The following PRIM2 variants were observed in gnomAD, a reference collection of about 807,000 sequenced individuals.
PRIM2 encodes the protein DNA primase large subunit.
Under a neutral mutation model 67.3 loss-of-function variants are expected in PRIM2, and 39 were observed. That is an observed-to-expected ratio of 0.58 (90% CI 0.45 to 0.76). The LOEUF (loss-of-function observed/expected upper bound fraction) is 0.76. Ranked by LOEUF, PRIM2 falls within the 30% of genes least tolerant of loss-of-function variation. PRIM2 has a pLI of 0.00. For synonymous variants in PRIM2, 143 were observed against 198.7 expected (o/e 0.72, Z 2.36); for missense variants, 398 against 598.7 (o/e 0.66, Z 3.50).
intron 5 of PRIM2, among the ~76,000 whole-genome samples, chr6:57,339,412 A>G (rs1324178620): frequency 6.6e-6 from 1 of 152,118 alleles, no homozygotes; most frequent in Non-Finnish European, 1.5e-5. Context: ...ATCCTAAGCC[A>G]AAAGAACAAA....
chr6:57,288,507 C>G, the PRIM2 span, among the ~76,000 whole-genome samples: 1 of 152,184 alleles, frequency 6.6e-6, no homozygotes, highest in Non-Finnish European at 1.5e-5. Flanking sequence ...GGGTCCCTGA[C>G]CCCCGTGTAG....
chr6:57,469,756 T>A, intron 7 of PRIM2, among the ~76,000 whole-genome samples: 1 of 152,278 alleles, frequency 6.6e-6, no homozygotes, highest in East Asian at 1.9e-4. Context: ...TTTAAAACAG[T>A]ATTATTTGCA....
intron 12 of PRIM2, among the ~76,000 whole-genome samples, chr6:57,620,029 T>C (rs1776823595): frequency 6.6e-6 from 1 of 152,062 alleles, no homozygotes; most frequent in African/African-American, 2.4e-5. Flanking sequence ...ACCCCATCTC[T>C]ACTAAAAATG....
chr6:57,238,354 AC>A, the PRIM2 span, among the ~76,000 whole-genome samples: 1 of 152,188 alleles, frequency 6.6e-6, no homozygotes, highest in Non-Finnish European at 1.5e-5. Context: ...AGAAATTATA[AC>A]AAACTGTCTC....
At chr6:57,346,605 AC>A (rs1392704262) in intron 5 of PRIM2, among the ~76,000 whole-genome samples, 6 of 152,298 alleles carry the variant, frequency 3.9e-5, no homozygotes, top group Middle Eastern at 6.8e-3. Flanking sequence ...GGCGTGAGTC[AC>A]CACGCCCAGC....
intron 11 of PRIM2, among the ~76,000 whole-genome samples, chr6:57,602,028 G>A (rs2127491731): frequency 6.6e-6 from 1 of 151,386 alleles, no homozygotes; most frequent in Non-Finnish European, 1.5e-5. Context: ...CATATAGATA[G>A]ACAGATAAGA....
At chr6:57,524,658 AC>A (rs1774707550) in intron 8 of PRIM2, among the ~76,000 whole-genome samples, 1 of 152,036 alleles carries the variant, frequency 6.6e-6, no homozygotes, top group South Asian at 2.1e-4. Context: ...CCGAGATCGT[AC>A]CATTGCACTC....
chr6:57,299,929 C>G, the PRIM2 span, among the ~76,000 whole-genome samples: 1 of 152,116 alleles, frequency 6.6e-6, no homozygotes, highest in African/African-American at 2.4e-5. Flanking sequence ...ATATGAGTCT[C>G]TTTCTTTTGC....
At chr6:57,577,131 T>C (rs1242716015) in intron 10 of PRIM2, among the ~76,000 whole-genome samples, 1 of 152,220 alleles carries the variant, frequency 6.6e-6, no homozygotes, top group Non-Finnish European at 1.5e-5. Flanking sequence ...TTTTTAGCAT[T>C]GCTGCCACTT....
intron 4 of PRIM2, 152 bp downstream of exon 4, chr6:57,324,432 T>C (rs1767774156): frequency 6.5e-6 from 1 of 154,904 alleles, no homozygotes; most frequent in African/African-American, 2.4e-5. Flanking sequence ...CAGTAAATTG[T>C]TTGGAAGAAA....
chr6:57,335,414 C>A (rs1365202928), intron 5 of PRIM2, among the ~76,000 whole-genome samples: 1 of 152,180 alleles, frequency 6.6e-6, no homozygotes, highest in Non-Finnish European at 1.5e-5. Context: ...GGGCAGGGCA[C>A]AGACAAACAG....
chr6:57,440,036 C>T (rs1029872), intron 7 of PRIM2, among the ~76,000 whole-genome samples: 100,884 of 149,852 alleles, frequency 0.67, 33,911 homozygotes, highest in South Asian at 0.74. Context: ...ATGTTCTTTT[C>T]GGAAATTTCA....
chr6:57,527,122 C>G (rs1450659113), intron 8 of PRIM2, among the ~76,000 whole-genome samples: 3 of 152,078 alleles, frequency 2.0e-5, no homozygotes, highest in Admixed American at 6.5e-5. Flanking sequence ...TTTATGGCAG[C>G]ATTATTTGTT....
At chr6:57,255,898 T>C in the PRIM2 span, among the ~76,000 whole-genome samples, 7 of 152,220 alleles carry the variant, frequency 4.6e-5, no homozygotes, top group Non-Finnish European at 1.0e-4. Context: ...AGAGAATTAA[T>C]GAATTATGTC....
At chr6:57,325,188 G>C (rs1017663328) in intron 4 of PRIM2, among the ~76,000 whole-genome samples, 2 of 151,942 alleles carry the variant, frequency 1.3e-5, no homozygotes, top group African/African-American at 4.8e-5. Context: ...AAGTTAATCT[G>C]ATCAAAGTTG....
intron 7 of PRIM2, among the ~76,000 whole-genome samples, chr6:57,433,405 A>G (rs1413400966): frequency 8.4e-6 from 1 of 119,442 alleles, no homozygotes; most frequent in Non-Finnish European, 1.7e-5. Flanking sequence ...CCATCCCACA[A>G]CAGTCCCCAG....
In PRIM2 at chr6:57,318,588, A is replaced by T. The variant is rs1223750133; in HGVS notation, c.143A>T (p.Asp48Val). The T allele has an allele frequency of 5.8e-6, 9 of 1,560,564 alleles. No homozygotes were observed. Among genetic ancestry groups the T allele is most frequent in the Non-Finnish European group, 7.8e-6 (9 of 1,150,334 alleles). Residue 48 changes from aspartate (D) to valine (V), a missense_variant, in exon 2 of 14, where the codon GAT (aspartate) becomes GTT (valine). Transcript: ENST00000615550. ...SLIEFENLAI[D>V]RVKLLKSVEN... ...ATAGAATTTGAAAACTTGGCTATTG[A>T]TAGAGTTAAATGTAAGTACTATTTA...
chr6:57,494,959 G>A (rs1554346238), intron 7 of PRIM2, among the ~76,000 whole-genome samples: 2 of 152,056 alleles, frequency 1.3e-5, no homozygotes, highest in Non-Finnish European at 2.9e-5. Flanking sequence ...TCAATGGTTT[G>A]TATTGATTTT....
At chr6:57,445,865 T>TTG (rs1448520912) in intron 7 of PRIM2, among the ~76,000 whole-genome samples, 2 of 152,148 alleles carry the variant, frequency 1.3e-5, no homozygotes, top group African/African-American at 2.4e-5. Context: ...ACCAAAGGGG[T>TTG]TGTGCTTCCT....
Sources: allele counts gnomAD v4.1 joint callset (sites outside exome capture counted in the v4.1 genomes callset), GRCh38; gene constraint gnomAD v4.1.1; transcripts MANE v1.5; gene names NCBI Gene and HGNC (gene_info 2026-07-23, HGNC 2026-07-21).